The following PSMF1 variants were observed in gnomAD, a reference collection of about 807,000 sequenced individuals.
PSMF1 encodes proteasome inhibitor PI31 subunit.
PSMF1 carries 30 observed loss-of-function variants against 29.3 expected under a neutral mutation model. The ratio of observed to expected loss-of-function variants is 1.02; its 90% CI spans 0.77 to 1.39. The LOEUF (loss-of-function observed/expected upper bound fraction) is 1.39, where lower values mean the gene tolerates loss of function less well. Ranked by LOEUF, PSMF1 falls within the 40% of genes most tolerant of loss-of-function variation. The pLI is 0.00. For synonymous variants in PSMF1, 134 were observed against 139.7 expected, an observed-to-expected ratio of 0.96 and a Z score of 0.29; for missense variants, 344 against 357.5, an observed-to-expected ratio of 0.96 and a Z score of 0.31.
At chr20:1,159,606 A>G (rs1006024799) in intron 4 of PSMF1, among the ~76,000 whole-genome samples, 12 of 152,124 alleles carry the variant, frequency 7.9e-5, no homozygotes, top group Non-Finnish European at 1.5e-5. Context: ...GAAGCCCCCT[A>G]TGTTTGCCAC....
At position 1,163,074 on chromosome 20, in the gene PSMF1, G is replaced by C. The variant is rs2086686298; in HGVS notation, c.552-56G>C. On this transcript the variant is annotated intron_variant, in intron 4 of 6. Transcript: ENST00000335877. The surrounding 1 kb of genome is among the most constrained non-coding windows in gnomAD (Gnocchi z 6.1). ...TGTGAGTGTGTTTGTGATCCCACATGTATCAGGTGCCTGGCTGCTCTGGGA... is the reference window on the plus strand; with the variant it reads ...TGTGAGTGTGTTTGTGATCCCACATCTATCAGGTGCCTGGCTGCTCTGGGA... 1.9e-6 allele frequency: 3 copies of C among 1,585,268 alleles called. No individual in the cohort carries two copies. The highest frequency in any genetic ancestry group is 2.2e-5 in the South Asian group (2 of 89,746).
chr20:1,146,388 G>T (rs998603780), intron 4 of PSMF1, among the ~76,000 whole-genome samples: 3 of 151,986 alleles, frequency 2.0e-5, no homozygotes, highest in East Asian at 1.9e-4. Context: ...CTGAACTTTA[G>T]CTGGACAAAA....
intron 4 of PSMF1, among the ~76,000 whole-genome samples, chr20:1,143,315 A>G (rs2086407243): frequency 1.3e-5 from 2 of 152,240 alleles, no homozygotes; most frequent in African/African-American, 4.8e-5. Flanking sequence ...ATAGATAAGT[A>G]GAACAGAATA....
intron 4 of PSMF1, among the ~76,000 whole-genome samples, chr20:1,159,842 A>C (rs2086644577): frequency 6.6e-6 from 1 of 152,168 alleles, no homozygotes; most frequent in African/African-American, 2.4e-5. Flanking sequence ...CCAGCCCATC[A>C]GGTGGAACTG....
At chr20:1,157,440 A>G (rs549119849) in intron 4 of PSMF1, among the ~76,000 whole-genome samples, 25 of 152,326 alleles carry the variant, frequency 1.6e-4, no homozygotes, top group African/African-American at 6.0e-4. Context: ...ACATAATACA[A>G]CTATCCTTCG....
chr20:1,133,569 A>ATATATATATAT, intron 3 of PSMF1, among the ~76,000 whole-genome samples: 3 of 53,296 alleles, frequency 5.6e-5, no homozygotes, highest in African/African-American at 1.1e-4. Flanking sequence ...ATATATATAT[A>ATATATATATAT]TTTTTTTTTT....
intron 4 of PSMF1, among the ~76,000 whole-genome samples, chr20:1,138,052 A>G (rs1408423048): frequency 6.6e-6 from 1 of 152,222 alleles, no homozygotes; most frequent in Non-Finnish European, 1.5e-5. Flanking sequence ...ATGTTAAAAA[A>G]TTTCCTTAAT....
At chr20:1,145,380 G>A (rs2086436984) in intron 4 of PSMF1, among the ~76,000 whole-genome samples, 1 of 152,128 alleles carries the variant, frequency 6.6e-6, no homozygotes, top group African/African-American at 2.4e-5. Flanking sequence ...ATGAGCAATG[G>A]ACTGGGAGCA....
In PSMF1 at chr20:1,150,736, T is replaced by G. The variant is rs6108703; in HGVS notation, c.552-12394T>G. 4.3e-3 allele frequency among the ~76,000 whole-genome samples: 649 copies of G among 152,278 alleles called. 6 individuals carry two copies. The highest frequency in any genetic ancestry group is 0.014 in the African/African-American group (602 of 41,566). On this transcript the variant is annotated intron_variant, in intron 4 of 6. Transcript: ENST00000335877. Reference sequence around the variant, plus strand: ...GCCCTTTTACCCTATTAATGGTTTTTTTTAATTATTGTTAAAGCATTCCTA... The same window carrying G: ...GCCCTTTTACCCTATTAATGGTTTTGTTTAATTATTGTTAAAGCATTCCTA...
Position 1,166,571 on chromosome 20 carries a change from G to A in PSMF1, c.*1491G>A, listed in dbSNP as rs1600179707. ...AGGGTCAGTCTCAGATGGAAGCTGG[G>A]CCTGGGTGGGGAGGCTAGCATGCGT... On this transcript the variant is annotated 3_prime_UTR_variant, in exon 7 of 7. Coordinates refer to ENST00000335877, the MANE Select transcript of PSMF1 (RefSeq NM_006814.5). The A allele has an allele frequency of 5.7e-6, 2 of 348,478 alleles. No individual in the cohort carries two copies. The highest frequency in any genetic ancestry group is 1.0e-4 in the East Asian group (2 of 19,486). 21.6% of individuals were successfully genotyped at this position (348,478 alleles called of 1,614,324 possible). A position where few individuals can be genotyped will look rare whatever the true frequency, so the allele number is the denominator to read the frequency against.
Position 1,164,062 on chromosome 20 carries a change from A to G in PSMF1, c.606-256A>G, listed in dbSNP as rs1394220719. 6.6e-6 allele frequency among the ~76,000 whole-genome samples: 1 copy of G among 152,180 alleles called. No individual in the cohort carries two copies. The highest frequency in any genetic ancestry group is 2.4e-5 in the African/African-American group (1 of 41,450). ...AGGGATCTCAATTTTGAGGAGCCCTACAGAACCAAAAGCACTGTGCAGAAC... is the reference window on the plus strand; with the variant it reads ...AGGGATCTCAATTTTGAGGAGCCCTGCAGAACCAAAAGCACTGTGCAGAAC... On this transcript the variant is annotated intron_variant, in intron 5 of 6. Coordinates refer to ENST00000335877, the MANE Select transcript of PSMF1 (RefSeq NM_006814.5). This position sits in a 1 kb window ranked among gnomAD's most constrained non-coding sequence, Gnocchi z 4.1.
intron 3 of PSMF1, 123 bp from the exon 4 acceptor site, chr20:1,134,998 A>G: frequency 5.3e-6 from 5 of 952,142 alleles, no homozygotes; most frequent in Non-Finnish European, 6.6e-6. Flanking sequence ...CCACTTATAA[A>G]CAGGCCAAGC....
In PSMF1 at chr20:1,141,029, T is replaced by C. The variant is rs956154448; in HGVS notation, c.551+5723T>C. 5.3e-5 allele frequency among the ~76,000 whole-genome samples: 8 copies of C among 152,252 alleles called. No homozygotes were observed. In the East Asian group the frequency reaches 1.5e-3, roughly 29 times the overall value. ...AATAAAAATGAAGGATTTGTTATAATGTGGATGAACCTTTAAAACATCACG... is the reference window on the plus strand; with the variant it reads ...AATAAAAATGAAGGATTTGTTATAACGTGGATGAACCTTTAAAACATCACG... On this transcript the variant is annotated intron_variant, in intron 4 of 6. Transcript: ENST00000335877.
intron 3 of PSMF1, among the ~76,000 whole-genome samples, chr20:1,128,951 C>T: frequency 6.6e-6 from 1 of 152,106 alleles, no homozygotes; most frequent in Non-Finnish European, 1.5e-5. Context: ...TCTCGGCTCA[C>T]TGCAAGCTCT....
chr20:1,151,155 G>A (rs1762645606), intron 4 of PSMF1, among the ~76,000 whole-genome samples: 1 of 152,132 alleles, frequency 6.6e-6, no homozygotes, highest in South Asian at 2.1e-4. Flanking sequence ...GGATAGCAAA[G>A]TTCAATAACA....
chr20:1,141,842 A>G (rs780653736), intron 4 of PSMF1, among the ~76,000 whole-genome samples: 5 of 152,256 alleles, frequency 3.3e-5, no homozygotes, highest in Non-Finnish European at 7.3e-5. Context: ...ATTAACATAC[A>G]AAAGTTAATT....
At chr20:1,130,644 T>A (rs2086216660) in intron 3 of PSMF1, among the ~76,000 whole-genome samples, 1 of 152,204 alleles carries the variant, frequency 6.6e-6, no homozygotes, top group Admixed American at 6.5e-5. Context: ...AATGTTTTTT[T>A]TGGAGTCAGG....
intron 4 of PSMF1, among the ~76,000 whole-genome samples, chr20:1,150,731 G>GT (rs556147462): frequency 9.2e-5 from 14 of 151,532 alleles, no homozygotes; most frequent in East Asian, 1.9e-4. Context: ...CCTATTAATG[G>GT]TTTTTTTTAA....
intron 3 of PSMF1, among the ~76,000 whole-genome samples, chr20:1,127,977 T>C (rs1366240128): frequency 6.6e-6 from 1 of 151,148 alleles, no homozygotes; most frequent in Non-Finnish European, 1.5e-5. Flanking sequence ...CAATATCCCA[T>C]ACATAATGAT....
Sources: gnomAD v4.1 joint callset for allele counts (sites outside exome capture counted in the v4.1 genomes callset) on GRCh38, gnomAD v4.1.1 for gene constraint, Gnocchi (gnomAD v3.1) non-coding constraint, MANE v1.5 for transcripts, NCBI Gene and HGNC (gene_info 2026-07-23, HGNC 2026-07-21) for gene names.